The following DEPTOR variants were observed in gnomAD, a reference collection of about 807,000 sequenced individuals.
DEPTOR encodes DEP domain containing MTOR interacting protein, also known as DEP domain-containing mTOR-interacting protein.
In DEPTOR, 41 loss-of-function variants were observed where a neutral mutation model predicts 41.6. That is an observed-to-expected ratio of 0.98 (90% CI 0.77 to 1.28). DEPTOR has a LOEUF of 1.28. Ranked by LOEUF, DEPTOR falls within the 50% of genes most tolerant of loss-of-function variation. The pLI, the probability that DEPTOR is intolerant of heterozygous loss-of-function variation, is 0.00. For missense variants in DEPTOR, 514 were observed against 527.9 expected, an observed-to-expected ratio of 0.97 and a Z score of 0.26; for synonymous variants, 195 against 192.3, an observed-to-expected ratio of 1.01 and a Z score of -0.12.
intron 1 of DEPTOR, among the ~76,000 whole-genome samples, chr8:119,898,516 G>T (rs1261467879): frequency 6.6e-6 from 1 of 152,080 alleles, no homozygotes; most frequent in Non-Finnish European, 1.5e-5. Flanking sequence ...TTGAGCTCAG[G>T]AGTTCAAGAC....
At chr8:119,959,453 GC>G (rs1828461506) in intron 3 of DEPTOR, among the ~76,000 whole-genome samples, 1 of 151,758 alleles carries the variant, frequency 6.6e-6, no homozygotes, top group South Asian at 2.1e-4. Context: ...GAGCCACTGC[GC>G]CCGGCCACCT....
At chr8:119,957,799 G>C (rs993333166) in intron 3 of DEPTOR, among the ~76,000 whole-genome samples, 9 of 152,112 alleles carry the variant, frequency 5.9e-5, no homozygotes, top group African/African-American at 2.2e-4. Context: ...ATGTTGGCCA[G>C]GATGGTCTTG....
At chr8:119,964,840 G>A (rs768388702) in intron 3 of DEPTOR, among the ~76,000 whole-genome samples, 61 of 152,116 alleles carry the variant, frequency 4.0e-4, no homozygotes, top group Non-Finnish European at 7.1e-4. Context: ...TTGGGAGGCC[G>A]AGACGGGTGG....
intron 4 of DEPTOR, among the ~76,000 whole-genome samples, chr8:119,972,977 T>C (rs1309514960): frequency 6.6e-6 from 1 of 152,044 alleles, no homozygotes; most frequent in Non-Finnish European, 1.5e-5. Context: ...TTCGCTCTTG[T>C]TGCCCAGGCT....
intron 1 of DEPTOR, among the ~76,000 whole-genome samples, chr8:119,889,557 A>AAGAGGAGAGG (rs147034483): frequency 0.4 from 37,773 of 95,358 alleles, 9,750 homozygotes; most frequent in East Asian, 0.89. Flanking sequence ...AGAAAGGAAA[A>AAGAGGAGAGG]AGAGGAGAGG....
At chr8:119,887,099 T>C (rs1434487529) in intron 1 of DEPTOR, among the ~76,000 whole-genome samples, 3 of 90,050 alleles carry the variant, frequency 3.3e-5, no homozygotes, top group Admixed American at 2.5e-4. Flanking sequence ...TACCAGTCCC[T>C]TCCCCTTCCC....
At chr8:120,004,224 G>A (rs1812399085) in intron 6 of DEPTOR, among the ~76,000 whole-genome samples, 1 of 152,196 alleles carries the variant, frequency 6.6e-6, no homozygotes, top group Admixed American at 6.5e-5. Flanking sequence ...TATTATCTAG[G>A]AAGGTGGCTC....
chr8:119,873,843 A>T lies in DEPTOR; in HGVS notation c.-4A>T, dbSNP rs1238927073. The T allele has an allele frequency of 1.2e-6, 2 of 1,612,556 alleles. No individual in the cohort carries two copies. The highest frequency in any genetic ancestry group is 1.7e-6 in the Non-Finnish European group (2 of 1,179,472). On this transcript the variant is annotated 5_prime_UTR_variant, in exon 1 of 9. Transcript: ENST00000286234. The stretch of plus-strand genomic sequence containing the variant: ...GCCAGTGGTAGCCGCACGGCCCTAA[A>T]ACCATGGAGGAGGGCGGCAGCACTG...
chr8:119,878,952 A>G (rs150338205), intron 1 of DEPTOR, among the ~76,000 whole-genome samples: 2,815 of 151,628 alleles, frequency 0.019, 85 homozygotes, highest in African/African-American at 0.063. Flanking sequence ...CTCTACTAAA[A>G]ATACAAAATT....
chr8:120,029,338 G>A (rs1296096070), intron 8 of DEPTOR, among the ~76,000 whole-genome samples: 1 of 152,126 alleles, frequency 6.6e-6, no homozygotes, highest in African/African-American at 2.4e-5. Flanking sequence ...GAAGGTTCAA[G>A]GAGGGCAATA....
At chr8:119,888,207 T>C (rs1767329001) in intron 1 of DEPTOR, among the ~76,000 whole-genome samples, 1 of 152,158 alleles carries the variant, frequency 6.6e-6, no homozygotes, top group Non-Finnish European at 1.5e-5. Flanking sequence ...CACAACATCA[T>C]ATTTTTCTCC....
In DEPTOR at chr8:119,965,380, C is replaced by T. The variant is rs143379806; in HGVS notation, c.574C>T (p.Arg192Trp). 5.4e-5 allele frequency: 87 copies of T among 1,613,856 alleles called. No individual in the cohort carries two copies. The highest frequency in any genetic ancestry group is 6.5e-5 in the Non-Finnish European group (77 of 1,179,994). ...TRKEAEQLCH[R>W]LMEHGIIQHV... Reference sequence around the variant, plus strand: ...GAAAGAGGCAGAGCAGCTTTGCCACCGGCTTATGGAGCATGGCATCATCCA... The same window carrying T: ...GAAAGAGGCAGAGCAGCTTTGCCACTGGCTTATGGAGCATGGCATCATCCA... The change falls in exon 4 of 9, where the codon CGG (arginine) becomes TGG (tryptophan). Residue 192 changes from arginine (R) to tryptophan (W), a missense_variant. Transcript: ENST00000286234.
chr8:119,989,475 G>T (rs1812111168), intron 4 of DEPTOR, among the ~76,000 whole-genome samples: 1 of 152,140 alleles, frequency 6.6e-6, no homozygotes, highest in Non-Finnish European at 1.5e-5. Context: ...AGGTTCAGGG[G>T]TGAGACCTGG....
chr8:120,019,185 A>G (rs1563593942), intron 8 of DEPTOR, among the ~76,000 whole-genome samples: 1 of 152,068 alleles, frequency 6.6e-6, no homozygotes, highest in Admixed American at 6.6e-5. Flanking sequence ...CATGCCTGTA[A>G]TCCCAGCTAC....
intron 3 of DEPTOR, among the ~76,000 whole-genome samples, chr8:119,940,236 C>CA (rs1369928942): frequency 8.0e-5 from 12 of 150,300 alleles, no homozygotes; most frequent in African/African-American, 1.7e-4. Context: ...CAAAACCAAG[C>CA]AAAAAAAACA....
intron 8 of DEPTOR, among the ~76,000 whole-genome samples, chr8:120,040,232 A>G (rs938941146): frequency 1.3e-5 from 2 of 152,164 alleles, no homozygotes; most frequent in South Asian, 2.1e-4. Flanking sequence ...ATGCTCTCTT[A>G]TAATACTAAC....
intron 4 of DEPTOR, among the ~76,000 whole-genome samples, chr8:119,966,968 G>C (rs1439860824): frequency 1.3e-5 from 2 of 152,192 alleles, no homozygotes; most frequent in Non-Finnish European, 2.9e-5. Flanking sequence ...GAGTAGAGCA[G>C]CCCAACAAGG....
At chr8:120,045,754 G>A (rs1563602142) in intron 8 of DEPTOR, among the ~76,000 whole-genome samples, 1 of 152,140 alleles carries the variant, frequency 6.6e-6, no homozygotes, top group Non-Finnish European at 1.5e-5. Context: ...GATCATTTTG[G>A]TGTCCCTTGC....
chr8:119,934,434 G>A (rs1828084191), intron 3 of DEPTOR, among the ~76,000 whole-genome samples: 1 of 152,204 alleles, frequency 6.6e-6, no homozygotes, highest in Non-Finnish European at 1.5e-5. Context: ...CACAGTGAGT[G>A]GCAATGGCTG....
Sources: allele counts gnomAD v4.1 joint callset (sites outside exome capture counted in the v4.1 genomes callset), GRCh38; gene constraint gnomAD v4.1.1; transcripts MANE v1.5; gene names NCBI Gene and HGNC (gene_info 2026-07-23, HGNC 2026-07-21).